The following TACR3 variants were observed in gnomAD, a reference collection of about 807,000 sequenced individuals.
TACR3 encodes tachykinin receptor 3.
Under a neutral mutation model 35.0 loss-of-function variants are expected in TACR3, and 34 were observed. The ratio of observed to expected loss-of-function variants is 0.97; its 90% confidence interval spans 0.74 to 1.30. The LOEUF is 1.30. TACR3 is among the 50% of genes most tolerant of loss of function. The pLI, the probability that TACR3 is intolerant of heterozygous loss-of-function variation, is 0.00. For missense variants in TACR3, 558 were observed against 591.7 expected, an observed-to-expected ratio of 0.94 and a Z score of 0.59; for synonymous variants, 233 against 221.1, an observed-to-expected ratio of 1.05 and a Z score of -0.48.
chr4:103,712,551 GTC>G (rs1722994118), intron 1 of TACR3, among the ~76,000 whole-genome samples: 1 of 152,148 alleles, frequency 6.6e-6, no homozygotes, highest in African/African-American at 2.4e-5. Context: ...TACCATTCAG[GTC>G]ATAGGCATGG....
chr4:103,696,969 A>C (rs999623279), intron 1 of TACR3, among the ~76,000 whole-genome samples: 9 of 152,150 alleles, frequency 5.9e-5, no homozygotes, highest in African/African-American at 2.2e-4. Context: ...GCTGGTATGC[A>C]GTGGTGCAGC....
intron 1 of TACR3, among the ~76,000 whole-genome samples, chr4:103,703,409 G>A (rs897319732): frequency 1.3e-5 from 2 of 151,984 alleles, no homozygotes; most frequent in Non-Finnish European, 2.9e-5. Flanking sequence ...ATGAAAAAAA[G>A]AAAACTATAA....
intron 3 of TACR3, among the ~76,000 whole-genome samples, chr4:103,600,898 A>C (rs11732107): frequency 0.6 from 90,470 of 151,824 alleles, 27,606 homozygotes; most frequent in Non-Finnish European, 0.65. Flanking sequence ...TCAGTTTTGG[A>C]GTAGGTGTGG....
intron 3 of TACR3, among the ~76,000 whole-genome samples, chr4:103,597,707 G>GT (rs1724069308): frequency 6.6e-6 from 1 of 151,648 alleles, no homozygotes; most frequent in Non-Finnish European, 1.5e-5. Context: ...ATGCAGTTTG[G>GT]TTTTTTGTCC....
In TACR3 at chr4:103,666,570, T is replaced by C. The variant is rs531693894; in HGVS notation, c.549-8167A>G. The stretch of plus-strand genomic sequence containing the variant: ...GGTACCATACACTCTAAGAACTTTA[T>C]ATATAACTCATTTAATACTAAAATT... On this transcript the variant is annotated intron_variant, in intron 1 of 4. Transcript: ENST00000304883. Among the ~76,000 whole-genome samples, 18 of 152,314 alleles carry C rather than the reference T, an allele frequency of 1.2e-4. No homozygotes were observed. The South Asian group carries it at 3.1e-3, about 26-fold the overall frequency.
chr4:103,683,924 A>G (rs1467683887), intron 1 of TACR3, among the ~76,000 whole-genome samples: 1 of 152,094 alleles, frequency 6.6e-6, no homozygotes, highest in Non-Finnish European at 1.5e-5. Flanking sequence ...ATTTGTTTAC[A>G]TAATTTGAGA....
chr4:103,706,423 TAA>T (rs1394888582), intron 1 of TACR3, among the ~76,000 whole-genome samples: 2 of 152,188 alleles, frequency 1.3e-5, no homozygotes, highest in Non-Finnish European at 2.9e-5. Context: ...AAAGTATATC[TAA>T]GATCTATAAT....
At chr4:103,704,231 G>A (rs963085827) in intron 1 of TACR3, among the ~76,000 whole-genome samples, 1 of 150,758 alleles carries the variant, frequency 6.6e-6, no homozygotes, top group Admixed American at 6.6e-5. Context: ...TCACAAAAAT[G>A]TCATGCTGAG....
intron 1 of TACR3, among the ~76,000 whole-genome samples, chr4:103,681,403 A>G (rs1722082801): frequency 1.3e-5 from 2 of 152,228 alleles, no homozygotes; most frequent in South Asian, 4.1e-4. Context: ...AATTCATTTG[A>G]AATCATAGAT....
chr4:103,592,005 C>A lies in TACR3; in HGVS notation c.889-322G>T, dbSNP rs554119685. Among the ~76,000 whole-genome samples, 26 of 152,234 alleles carry A rather than the reference C, an allele frequency of 1.7e-4. No homozygotes were observed. In the East Asian group the frequency reaches 2.9e-3, roughly 17 times the overall value. On this transcript the variant is annotated intron_variant, in intron 3 of 4. Coordinates refer to ENST00000304883, the MANE Select transcript of TACR3 (RefSeq NM_001059.3). ...AGCCTGGAACAGAGAGAGATAGGAA[C>A]TAGGATGTGGCTGTGTAGCCTGCAT... is the stretch of plus-strand genomic sequence containing the variant.
intron 1 of TACR3, among the ~76,000 whole-genome samples, chr4:103,707,177 CT>C (rs1722814356): frequency 1.3e-5 from 2 of 152,182 alleles, no homozygotes; most frequent in Non-Finnish European, 1.5e-5. Flanking sequence ...CAAATAATTC[CT>C]TGAAACTCAA....
chr4:103,690,020 T>C (rs892395751), intron 1 of TACR3, among the ~76,000 whole-genome samples: 1 of 152,076 alleles, frequency 6.6e-6, no homozygotes, highest in East Asian at 1.9e-4. Flanking sequence ...TGGCTTTTCA[T>C]TGAAAATAAT....
At chr4:103,629,872 CAAAA>C (rs1157154870) in intron 3 of TACR3, among the ~76,000 whole-genome samples, 1 of 104,122 alleles carries the variant, frequency 9.6e-6, no homozygotes, top group Non-Finnish European at 2.0e-5. Context: ...AAAAAAAAAA[CAAAA>C]AAAACAACAA....
intron 1 of TACR3, among the ~76,000 whole-genome samples, chr4:103,686,583 T>C (rs989026054): frequency 1.3e-5 from 2 of 152,206 alleles, no homozygotes; most frequent in Admixed American, 6.6e-5. Flanking sequence ...TTCATAGTTG[T>C]TACATTCAAT....
intron 1 of TACR3, among the ~76,000 whole-genome samples, chr4:103,692,714 C>A (rs1722433186): frequency 6.6e-6 from 1 of 152,050 alleles, no homozygotes; most frequent in Non-Finnish European, 1.5e-5. Flanking sequence ...ATCCAGATAG[C>A]AAATAAATAG....
chr4:103,647,746 T>TA (rs1443492317), intron 3 of TACR3, among the ~76,000 whole-genome samples: 2 of 151,982 alleles, frequency 1.3e-5, no homozygotes, highest in African/African-American at 4.8e-5. Flanking sequence ...GAAACATTTT[T>TA]AAAGCTATCA....
rs1723167810 is a variant in TACR3 at position 103,719,584 on chromosome 4, C to T, written c.92G>A (p.Gly31Glu). 3 of 1,610,966 alleles carry T rather than the reference C, an allele frequency of 1.9e-6. No homozygotes were observed. The highest frequency in any genetic ancestry group is 1.3e-5 in the African/African-American group (1 of 74,998). The change falls in exon 1 of 5, where the codon GGG becomes GAG. Residue 31 changes from glycine (G) to glutamate (E), a missense_variant. Physicochemically the swap from Gly to Glu is moderately conservative, Grantham distance 98 (BLOSUM62 -2). Coordinates refer to ENST00000304883, the MANE Select transcript of TACR3 (RefSeq NM_001059.3). ...AGTCTCAACTGCCCCCGTGGCCGCC[C>T]CGGCAGCTAGCGAGGCGGTCAGGTT... The part of the protein sequence containing the change: ...AVNLTASLAA[G>E]AATGAVETGW...
intron 3 of TACR3, among the ~76,000 whole-genome samples, chr4:103,605,984 C>G (rs1437024946): frequency 6.6e-6 from 1 of 151,876 alleles, no homozygotes; most frequent in South Asian, 2.1e-4. Flanking sequence ...TTTAATCCAT[C>G]TTGAATTAAT....
At chr4:103,712,513 C>G (rs1722992759) in intron 1 of TACR3, among the ~76,000 whole-genome samples, 1 of 152,066 alleles carries the variant, frequency 6.6e-6, no homozygotes, top group East Asian at 1.9e-4. Flanking sequence ...CCTAAAACCA[C>G]AAAAGCCCTA....
Sources: allele counts gnomAD v4.1 joint callset (sites outside exome capture counted in the v4.1 genomes callset), GRCh38; gene constraint gnomAD v4.1.1; transcripts MANE v1.5; gene names NCBI Gene and HGNC (gene_info 2026-07-23, HGNC 2026-07-21).